KCNMA1: variants seen among roughly 807,000 people sequenced by gnomAD.
KCNMA1 encodes potassium calcium-activated channel subfamily M alpha 1, also known as Calcium-activated potassium channel subunit alpha-1.
In KCNMA1, 29 loss-of-function variants were observed where a neutral mutation model predicts 140.0. The ratio of observed to expected loss-of-function variants is 0.21; its 90% CI spans 0.15 to 0.28. KCNMA1 has a LOEUF of 0.28. Ranked by LOEUF, KCNMA1 falls within the 10% of genes least tolerant of loss-of-function variation. KCNMA1 has a pLI of 1.00. For synonymous variants in KCNMA1, 612 were observed against 611.9 expected, an observed-to-expected ratio of 1.00 and a Z score of 0.00; for missense variants, 880 against 1,602.2, an observed-to-expected ratio of 0.55 and a Z score of 7.70.
At chr10:77,071,600 A>G (rs954706022) in intron 14 of KCNMA1, 9 of 152,290 alleles carry the variant, frequency 5.9e-5, no homozygotes, top group African/African-American at 2.2e-4. Flanking sequence ...ACCTCCATTC[A>G]GTTCCACCCA....
At chr10:77,422,743 G>A (rs1336740274) in intron 1 of KCNMA1, among the ~76,000 whole-genome samples, 3 of 152,164 alleles carry the variant, frequency 2.0e-5, no homozygotes, top group Non-Finnish European at 4.4e-5. Flanking sequence ...GACACACATA[G>A]GGAGAACGCC....
At chr10:77,362,379 A>ACACACACT (rs2094043477) in intron 2 of KCNMA1, among the ~76,000 whole-genome samples, 1 of 82,920 alleles carries the variant, frequency 1.2e-5, no homozygotes, top group Admixed American at 1.7e-4. Flanking sequence ...ACACACACAC[A>ACACACACT]CACGATGCTG....
chr10:77,424,692 G>T (rs2096939084), intron 1 of KCNMA1, among the ~76,000 whole-genome samples: 1 of 152,206 alleles, frequency 6.6e-6, no homozygotes, highest in African/African-American at 2.4e-5. Context: ...CAGGGAGGAA[G>T]AGAGTATGGC....
chr10:76,954,800 G>A (rs894784352), intron 20 of KCNMA1, among the ~76,000 whole-genome samples: 2 of 152,164 alleles, frequency 1.3e-5, no homozygotes, highest in African/African-American at 4.8e-5. Flanking sequence ...GGTGGAAAAG[G>A]AAGATGCTTC....
chr10:76,910,215 G>A, intron 24 of KCNMA1, 119 bp from the exon 25 acceptor site: 1 of 1,113,828 alleles, frequency 9.0e-7, no homozygotes, highest in South Asian at 1.3e-5. Flanking sequence ...ACAAAAGCAT[G>A]GAATAAGCTG....
At chr10:77,175,031 C>T (rs568153277) in intron 5 of KCNMA1, among the ~76,000 whole-genome samples, 3 of 152,238 alleles carry the variant, frequency 2.0e-5, no homozygotes, top group South Asian at 2.1e-4. Context: ...TAAGTCAGTA[C>T]GGTGGCTCCA....
chr10:77,243,419 T>C (rs765385865), intron 3 of KCNMA1, among the ~76,000 whole-genome samples: 3 of 152,208 alleles, frequency 2.0e-5, no homozygotes, highest in South Asian at 2.1e-4. Context: ...AGGCTTGTTG[T>C]AGAGGACAGA....
chr10:76,918,162 C>T (rs1475427770), intron 23 of KCNMA1, among the ~76,000 whole-genome samples: 1 of 152,006 alleles, frequency 6.6e-6, no homozygotes, highest in Non-Finnish European at 1.5e-5. Context: ...AACACACTGG[C>T]ACATGGAATA....
intron 2 of KCNMA1, among the ~76,000 whole-genome samples, chr10:77,391,612 T>TTTTG (rs139101372): frequency 0.052 from 7,820 of 149,818 alleles, 287 homozygotes; most frequent in Non-Finnish European, 0.082. Flanking sequence ...GAAGTAGGTT[T>TTTTG]TTTGTTTGTT....
intron 5 of KCNMA1, among the ~76,000 whole-genome samples, chr10:77,170,586 C>T (rs548962141): frequency 6.6e-6 from 1 of 150,620 alleles, no homozygotes; most frequent in African/African-American, 2.4e-5. Context: ...CCTGGGAGAA[C>T]ATCGGAGGTG....
Position 76,890,331 on chromosome 10 carries a change from G to A in KCNMA1, c.3343-762C>T, listed in dbSNP as rs184670408. Among the ~76,000 whole-genome samples, 385 of 152,252 alleles carry A rather than the reference G, an allele frequency of 2.5e-3. 2 individuals carry two copies. The highest frequency in any genetic ancestry group is 8.9e-3 in the African/African-American group (368 of 41,532). On this transcript the variant is annotated intron_variant, in intron 26 of 27. Coordinates refer to ENST00000286628, the MANE Select transcript of KCNMA1 (RefSeq NM_001161352.2). ...TTATATGAAGGGCACTGGGCACTGC[G>A]GGATGGCTTCACTGGGTATAAAATG...
At chr10:77,408,032 CCACCA>C (rs2096528374) in intron 1 of KCNMA1, among the ~76,000 whole-genome samples, 1 of 152,158 alleles carries the variant, frequency 6.6e-6, no homozygotes, top group African/African-American at 2.4e-5. Flanking sequence ...CGCTGTGTGA[CCACCA>C]CCCAGGACAG....
At position 77,108,579 on chromosome 10, in the gene KCNMA1, A is replaced by C; in HGVS notation, c.1132-7T>G. The C allele has an allele frequency of 6.2e-7, 1 of 1,607,844 alleles. No individual in the cohort carries two copies. Among genetic ancestry groups the C allele is most frequent in the Non-Finnish European group, 8.5e-7 (1 of 1,174,860 alleles). On this transcript the variant is annotated splice_region_variant and splice_polypyrimidine_tract_variant and intron_variant, in intron 8 of 27. Coordinates refer to ENST00000286628, the MANE Select transcript of KCNMA1 (RefSeq NM_001161352.2). This position sits in a 1 kb window ranked among gnomAD's most constrained non-coding sequence, Gnocchi z 4.6. ...CGTAGCTGGCAAACATGGCCTGAGA[A>C]GATAGGAGACAGAAGAGAGACTAAA...
At chr10:77,172,341 A>G (rs2098715089) in intron 5 of KCNMA1, among the ~76,000 whole-genome samples, 1 of 152,200 alleles carries the variant, frequency 6.6e-6, no homozygotes, top group South Asian at 2.1e-4. Context: ...GGTATTTCCA[A>G]TTTGGCATAT....
intron 2 of KCNMA1, among the ~76,000 whole-genome samples, chr10:77,393,196 C>T (rs1270109523): frequency 6.6e-6 from 1 of 152,182 alleles, no homozygotes; most frequent in Non-Finnish European, 1.5e-5. Flanking sequence ...TTGCCTGGGG[C>T]ATTCAGAGCC....
intron 1 of KCNMA1, among the ~76,000 whole-genome samples, chr10:77,483,730 T>C (rs2154534504): frequency 6.6e-6 from 1 of 152,312 alleles, no homozygotes; most frequent in Admixed American, 6.5e-5. Context: ...TTCAAGAACC[T>C]GGTGAAAAGA....
At chr10:77,624,062 C>T (rs1346181041) in intron 1 of KCNMA1, among the ~76,000 whole-genome samples, 2 of 152,146 alleles carry the variant, frequency 1.3e-5, no homozygotes, top group Admixed American at 6.5e-5. Flanking sequence ...CAGACACTTG[C>T]TCTTTTGCCA....
intron 1 of KCNMA1, among the ~76,000 whole-genome samples, chr10:77,505,478 G>A (rs1230419482): frequency 6.6e-6 from 1 of 152,218 alleles, no homozygotes; most frequent in Non-Finnish European, 1.5e-5. Context: ...GAGAGGAAAT[G>A]GGGTAGAAGC....
intron 1 of KCNMA1, among the ~76,000 whole-genome samples, chr10:77,598,329 C>G (rs980835337): frequency 1.3e-5 from 2 of 152,214 alleles, no homozygotes; most frequent in Non-Finnish European, 2.9e-5. Context: ...GGGTTTTTCC[C>G]TGTCTTGTTC....
Sources: gnomAD v4.1 joint callset for allele counts (sites outside exome capture counted in the v4.1 genomes callset) on GRCh38, gnomAD v4.1.1 for gene constraint, Gnocchi (gnomAD v3.1) non-coding constraint, MANE v1.5 for transcripts, NCBI Gene and HGNC (gene_info 2026-07-23, HGNC 2026-07-21) for gene names.